CPLANE1: variants seen among roughly 807,000 people sequenced by gnomAD.
CPLANE1 encodes ciliogenesis and planar polarity effector 1.
Under a neutral mutation model 362.5 loss-of-function variants are expected in CPLANE1, and 263 were observed. That is an observed-to-expected ratio of 0.73 (90% CI 0.66 to 0.80). CPLANE1 has a LOEUF of 0.80. CPLANE1 is among the 30% of genes least tolerant of loss of function. CPLANE1 has a pLI of 0.00. For missense variants in CPLANE1, 3,461 were observed against 3,793.4 expected, an observed-to-expected ratio of 0.91 and a Z score of 2.30; for synonymous variants, 1,212 against 1,302.6, an observed-to-expected ratio of 0.93 and a Z score of 1.50.
the CPLANE1 span, among the ~76,000 whole-genome samples, chr5:37,095,749 A>G: frequency 6.6e-6 from 1 of 152,234 alleles, no homozygotes; most frequent in South Asian, 2.1e-4. Context: ...TACCAAATTA[A>G]TGTGCACAAA....
intron 14 of CPLANE1, 79 bp from the exon 15 acceptor site, chr5:37,221,567 G>C (rs1795362073): frequency 4.2e-6 from 4 of 951,426 alleles, no homozygotes; most frequent in African/African-American, 3.4e-5. Context: ...TGACGGGAGT[G>C]TGTAGTTTGT....
chr5:37,224,532 C>CTT lies in CPLANE1; in HGVS notation c.2499_2500insAA (p.Gly834LysfsTer8). On this transcript the variant is annotated frameshift_variant and splice_region_variant, in exon 13 of 53. Coordinates refer to ENST00000651892, the MANE Select transcript of CPLANE1 (RefSeq NM_001384732.1). The stretch of plus-strand genomic sequence containing the variant: ...TAGAAAATATTCATAAGATACTGAC[C>CTT]ATTGATAGATTTAAGTTCTAAGGTT... The CTT allele has an allele frequency of 6.5e-7, 1 of 1,537,626 alleles. No homozygotes were observed. The highest frequency in any genetic ancestry group is 1.4e-5 in the African/African-American group (1 of 72,804).
chr5:37,186,336 C>T lies in CPLANE1; in HGVS notation c.4139G>A (p.Arg1380Lys), dbSNP rs1425618127. ...CTGGTGAAGAGAGTGATATTTGTCT[C>T]TTAAAGGAACCCTCACGTCCTCAGG... is the stretch of plus-strand genomic sequence containing the variant. ...PYPEDVRVPL[R>K]DKYHSLHQRL... Residue 1380 changes from arginine (R) to lysine (K), a missense_variant, in exon 24 of 53, where the codon AGA (arginine) becomes AAA (lysine). Arg to Lys is a conservative substitution (Grantham distance 26). This residue lies in a region of CPLANE1 where 3,380 missense variants were observed against 3,666.1 expected (regional missense o/e 0.92). Coordinates refer to ENST00000651892, the MANE Select transcript of CPLANE1 (RefSeq NM_001384732.1). 1 of 1,607,802 alleles carries T rather than the reference C, an allele frequency of 6.2e-7. No homozygotes were observed. The highest frequency in any genetic ancestry group is 2.2e-5 in the East Asian group (1 of 44,808).
At chr5:37,146,817 T>C (rs1771760144) in intron 43 of CPLANE1, among the ~76,000 whole-genome samples, 1 of 152,024 alleles carries the variant, frequency 6.6e-6, no homozygotes, top group Admixed American at 6.5e-5. Flanking sequence ...AAATTTTACA[T>C]AAAATTTTAA....
intron 21 of CPLANE1, among the ~76,000 whole-genome samples, chr5:37,193,269 T>C (rs560633106): frequency 6.6e-6 from 1 of 152,328 alleles, no homozygotes; most frequent in South Asian, 2.1e-4. Flanking sequence ...TTTCATGTGT[T>C]GACAATTGTT....
intron 43 of CPLANE1, among the ~76,000 whole-genome samples, chr5:37,145,361 G>A (rs553747176): frequency 1.1e-4 from 17 of 152,170 alleles, no homozygotes; most frequent in Admixed American, 3.9e-4. Context: ...ACAAATCAGC[G>A]CTAAAAAGGT....
chr5:37,192,727 G>A (rs867206093), intron 21 of CPLANE1, among the ~76,000 whole-genome samples: 3 of 151,508 alleles, frequency 2.0e-5, no homozygotes, highest in Admixed American at 6.6e-5. Flanking sequence ...AGCTGGGTGT[G>A]GTGGCAGGCG....
chr5:37,094,310 A>G, the CPLANE1 span, among the ~76,000 whole-genome samples: 1 of 108,926 alleles, frequency 9.2e-6, no homozygotes, highest in Non-Finnish European at 1.7e-5. Context: ...ACACAAATAC[A>G]TGGAAATTAA....
chr5:37,082,118 A>G, the CPLANE1 span, among the ~76,000 whole-genome samples: 1 of 152,114 alleles, frequency 6.6e-6, no homozygotes, highest in Non-Finnish European at 1.5e-5. Context: ...AGTGATATGC[A>G]ATGTATTAAA....
At chr5:37,077,797 G>A in the CPLANE1 span, among the ~76,000 whole-genome samples, 1 of 151,394 alleles carries the variant, frequency 6.6e-6, no homozygotes, top group Non-Finnish European at 1.5e-5. Flanking sequence ...AATTTTTTTT[G>A]TAGAGACAGG....
intron 1 of CPLANE1, among the ~76,000 whole-genome samples, chr5:37,248,595 T>A (rs1182441559): frequency 6.6e-6 from 1 of 152,166 alleles, no homozygotes; most frequent in African/African-American, 2.4e-5. Context: ...TGCAGTGAGC[T>A]GTGATTGTGC....
At chr5:37,167,306 A>T (rs984065340) in intron 34 of CPLANE1, 93 bp from the exon 35 acceptor site, 3 of 984,034 alleles carry the variant, frequency 3.0e-6, no homozygotes, top group African/African-American at 1.6e-5. Context: ...CATTTGTTTA[A>T]ATTAAACTGT....
In CPLANE1 at chr5:37,187,512, C is replaced by T. The variant is rs768480018; in HGVS notation, c.3982G>A (p.Ala1328Thr). 1.2e-6 allele frequency: 2 copies of T among 1,613,556 alleles called. No individual in the cohort carries two copies. Among genetic ancestry groups the T allele is most frequent in the African/African-American group, 2.7e-5 (2 of 74,904 alleles). ...IEHCLSAVEW[A>T]YRMLPFSRFF... ...CGAGAGAAAGGCAGCATTCTATAAGCCCATTCCACTGCACTAAGACAGTGC... is the reference window on the plus strand; with the variant it reads ...CGAGAGAAAGGCAGCATTCTATAAGTCCATTCCACTGCACTAAGACAGTGC... The change falls in exon 23 of 53, where the codon GCT becomes ACT. Residue 1328 changes from alanine (A) to threonine (T), a missense_variant. By Grantham distance (58) the Ala-to-Thr change is moderately conservative. Transcript: ENST00000651892.
intron 41 of CPLANE1, among the ~76,000 whole-genome samples, chr5:37,155,339 A>C (rs564156675): frequency 4.3e-4 from 65 of 152,282 alleles, no homozygotes; most frequent in Non-Finnish European, 7.8e-4. Flanking sequence ...CAAACAAAAT[A>C]CTACTCCATT....
At chr5:37,102,270 C>G (rs1294108370), downstream of CPLANE1, among the ~76,000 whole-genome samples, 1 of 152,150 alleles carries the variant, frequency 6.6e-6, no homozygotes, top group Non-Finnish European at 1.5e-5. Context: ...TCACTGCACC[C>G]TCCATCTCGC....
intron 20 of CPLANE1, 82 bp from the exon 21 acceptor site, chr5:37,196,078 GTAAGA>G: frequency 8.5e-7 from 1 of 1,177,318 alleles, no homozygotes; most frequent in Non-Finnish European, 1.2e-6. Flanking sequence ...AATCAGGCAG[GTAAGA>G]TAAGCCACAC....
At chr5:37,128,745 G>T (rs955057863) in intron 46 of CPLANE1, among the ~76,000 whole-genome samples, 2 of 151,910 alleles carry the variant, frequency 1.3e-5, no homozygotes, top group African/African-American at 4.8e-5. Flanking sequence ...TGTAATCCCA[G>T]CTACTAGGGA....
intron 47 of CPLANE1, 28 bp downstream of exon 47, chr5:37,125,216 T>C: frequency 6.3e-7 from 1 of 1,584,846 alleles, no homozygotes; most frequent in South Asian, 1.2e-5. Flanking sequence ...ATTCTGTAAT[T>C]CCATTACCCT....
rs1796533427 is a variant in CPLANE1 at position 37,226,666 on chromosome 5, A to C, written c.1929T>G (p.Cys643Trp). ...TTATATCCCAATAATGGATTGATAA[A>C]CACTGATGAAAAAGTTGAAAGATAC... ...ILCIFQLFHQ[C>W]LSIHYWDIRY... The change falls in exon 12 of 53, where the codon TGT becomes TGG. Residue 643 changes from cysteine to tryptophan, a missense_variant. Coordinates refer to ENST00000651892, the MANE Select transcript of CPLANE1 (RefSeq NM_001384732.1). 6.4e-7 allele frequency: 1 copy of C among 1,551,264 alleles called. No homozygotes were observed. Among genetic ancestry groups the C allele is most frequent in the South Asian group, 1.2e-5 (1 of 83,924 alleles).
Sources: gnomAD v4.1 joint callset for allele counts (sites outside exome capture counted in the v4.1 genomes callset) on GRCh38, gnomAD v4.1.1 for gene constraint, gnomAD v4.1.1 regional missense constraint, MANE v1.5 for transcripts, NCBI Gene and HGNC (gene_info 2026-07-23, HGNC 2026-07-21) for gene names.